Variants in PARD3B observed in about 807,000 individuals in gnomAD.
PARD3B encodes the protein par-3 family cell polarity regulator beta, also known as partitioning defective 3 homolog B.
In PARD3B, 103 loss-of-function variants were observed where a neutral mutation model predicts 130.2. The observed-to-expected ratio is 0.79, with a 90% CI of 0.67 to 0.93. The LOEUF (loss-of-function observed/expected upper bound fraction) is 0.93. Ranked by LOEUF, PARD3B falls within the 40% of genes least tolerant of loss-of-function variation. The pLI is 0.00. For synonymous variants in PARD3B, 583 were observed against 553.2 expected (o/e 1.05, Z -0.76); for missense variants, 1,609 against 1,499.2 (o/e 1.07, Z -1.21).
Position 205,274,417 on chromosome 2 carries a change from T to C in PARD3B, c.2186-26113T>C, listed in dbSNP as rs2040858542. 6.6e-6 allele frequency among the ~76,000 whole-genome samples: 1 copy of C among 152,062 alleles called. No individual in the cohort carries two copies. The highest frequency in any genetic ancestry group is 1.5e-5 in the Non-Finnish European group (1 of 67,976). ...TTTTAGTAACTTATATTGCAGTGAC[T>C]TTAATATTACTGAGGAAGAAACCTG... On this transcript the variant is annotated intron_variant, in intron 16 of 22. Coordinates refer to ENST00000406610, the MANE Select transcript of PARD3B (RefSeq NM_001302769.2). The surrounding 1 kb of genome is among the most constrained non-coding windows in gnomAD (Gnocchi z 4.2).
rs2105998413 is a variant in PARD3B at position 205,397,240 on chromosome 2, CA to C, written c.2631-3772del. 6.6e-6 allele frequency among the ~76,000 whole-genome samples: 1 copy of C among 152,234 alleles called. No homozygotes were observed. Among genetic ancestry groups the C allele is most frequent in the South Asian group, 2.1e-4 (1 of 4,822 alleles). On this transcript the variant is annotated intron_variant, in intron 18 of 22. Coordinates refer to ENST00000406610, the MANE Select transcript of PARD3B (RefSeq NM_001302769.2). This position sits in a 1 kb window ranked among gnomAD's most constrained non-coding sequence, Gnocchi z 4.8. The stretch of plus-strand genomic sequence containing the variant: ...TTTACAAAATAAGGTAATTTGTAAT[CA>C]TTTTCTCTGGCTAATAAAATAAATT...
chr2:205,151,520 CCTT>C (rs1553625587), intron 10 of PARD3B, among the ~76,000 whole-genome samples: 1 of 152,138 alleles, frequency 6.6e-6, no homozygotes, highest in Non-Finnish European at 1.5e-5. Context: ...TATGTAATGA[CCTT>C]CTTTGTCTCT....
chr2:204,756,664 C>T (rs1293896928), intron 2 of PARD3B, among the ~76,000 whole-genome samples: 3 of 152,072 alleles, frequency 2.0e-5, no homozygotes, highest in African/African-American at 7.2e-5. Context: ...GAGAGAGGCA[C>T]GCCAGACTTG....
At chr2:205,602,421 C>G (rs541182394) in intron 22 of PARD3B, among the ~76,000 whole-genome samples, 29 of 152,266 alleles carry the variant, frequency 1.9e-4, no homozygotes, top group East Asian at 3.9e-4. Context: ...CCCTTCTTTT[C>G]AATTGTTTGA....
At chr2:204,980,615 T>C (rs1413127670) in intron 3 of PARD3B, among the ~76,000 whole-genome samples, 1 of 152,194 alleles carries the variant, frequency 6.6e-6, no homozygotes, top group East Asian at 1.9e-4. Flanking sequence ...CTGAAAATGA[T>C]GTGATGAGCA....
intron 16 of PARD3B, among the ~76,000 whole-genome samples, chr2:205,279,085 A>AC (rs1559616070): frequency 5.3e-5 from 8 of 150,600 alleles, no homozygotes; most frequent in Non-Finnish European, 7.4e-5. Context: ...AAAAAAAAAA[A>AC]AAAAAAAAAA....
rs1010380801 is a variant in PARD3B at position 205,427,384 on chromosome 2, G to A, written c.2742-12986G>A. Reference sequence around the variant, plus strand: ...CCAAATGTTCGCAAATGCATGACTCGTTAAATAAACAAAAGCATGTCCACA... The same window carrying A: ...CCAAATGTTCGCAAATGCATGACTCATTAAATAAACAAAAGCATGTCCACA... On this transcript the variant is annotated intron_variant, in intron 19 of 22. Coordinates refer to ENST00000406610, the MANE Select transcript of PARD3B (RefSeq NM_001302769.2). Among the ~76,000 whole-genome samples the A allele has an allele frequency of 4.6e-5, 7 of 152,252 alleles. No homozygotes were observed. In the South Asian group the frequency reaches 1.2e-3, roughly 27 times the overall value.
rs144292240 is a variant in PARD3B, at chr2:204,563,630, A to G, written c.120+17511A>G. On this transcript the variant is annotated intron_variant, in intron 1 of 22. Coordinates refer to ENST00000406610, the MANE Select transcript of PARD3B (RefSeq NM_001302769.2). ...TCTGTATTATTGAGAATTGAAGGTT[A>G]TTGGTGTGATTGACTTATCTACTAC... Among the ~76,000 whole-genome samples, 6 of 152,246 alleles carry G rather than the reference A, an allele frequency of 3.9e-5. No homozygotes were observed. The East Asian group carries it at 1.2e-3, about 29-fold the overall frequency.
chr2:205,310,715 C>CTTTTTTTTTTTTTTT (rs1311997873), intron 18 of PARD3B, among the ~76,000 whole-genome samples: 1 of 102,080 alleles, frequency 9.8e-6, no homozygotes, highest in African/African-American at 3.3e-5. Context: ...TTCTTTCTTT[C>CTTTTTTTTTTTTTTT]TTTCTTTTTT....
intron 19 of PARD3B, among the ~76,000 whole-genome samples, chr2:205,419,511 GA>G (rs1267426269): frequency 6.6e-6 from 1 of 152,082 alleles, no homozygotes; most frequent in Admixed American, 6.6e-5. Context: ...TTGAAAAACT[GA>G]AGAGGCCAAC....
chr2:205,466,698 CT>C (rs1210636800), intron 20 of PARD3B, among the ~76,000 whole-genome samples: 5 of 152,080 alleles, frequency 3.3e-5, no homozygotes. Context: ...ATATGTGTGG[CT>C]TGGTTTTTGT....
At chr2:205,602,807 C>T (rs944900220) in intron 22 of PARD3B, among the ~76,000 whole-genome samples, 2 of 152,000 alleles carry the variant, frequency 1.3e-5, no homozygotes, top group Admixed American at 6.6e-5. Context: ...TTTCAATAAA[C>T]CAGCTCTTGG....
intron 1 of PARD3B, among the ~76,000 whole-genome samples, chr2:204,660,342 C>A (rs966928173): frequency 2.0e-5 from 3 of 152,142 alleles, no homozygotes; most frequent in Non-Finnish European, 2.9e-5. Flanking sequence ...CCAGATACTT[C>A]CAAGTATCCT....
chr2:205,331,403 A>C (rs1418212989), intron 18 of PARD3B, among the ~76,000 whole-genome samples: 1 of 152,134 alleles, frequency 6.6e-6, no homozygotes, highest in South Asian at 2.1e-4. Context: ...CTAAGCCAGA[A>C]GTTCTCCTCA....
At chr2:204,601,071 A>G (rs1237930750) in intron 1 of PARD3B, among the ~76,000 whole-genome samples, 1 of 151,920 alleles carries the variant, frequency 6.6e-6, no homozygotes, top group Non-Finnish European at 1.5e-5. Flanking sequence ...TAAGACCTGT[A>G]TTTTAAAATA....
intron 22 of PARD3B, among the ~76,000 whole-genome samples, chr2:205,600,416 C>A (rs1335257496): frequency 6.6e-6 from 1 of 152,172 alleles, no homozygotes; most frequent in Non-Finnish European, 1.5e-5. Context: ...ATCCACATCA[C>A]CCCCATGTTC....
At chr2:205,083,591 G>A (rs1455756629) in intron 4 of PARD3B, among the ~76,000 whole-genome samples, 1 of 149,160 alleles carries the variant, frequency 6.7e-6, no homozygotes, top group Non-Finnish European at 1.5e-5. Context: ...TGACTTTTCT[G>A]TTTGATTCTT....
At chr2:204,672,816 G>A (rs945838661) in intron 1 of PARD3B, among the ~76,000 whole-genome samples, 1 of 152,146 alleles carries the variant, frequency 6.6e-6, no homozygotes, top group African/African-American at 2.4e-5. Flanking sequence ...TTAGCTTCTA[G>A]TTTTGAAGAA....
intron 5 of PARD3B, among the ~76,000 whole-genome samples, chr2:205,108,626 T>C (rs1426780265): frequency 6.6e-6 from 1 of 152,074 alleles, no homozygotes; most frequent in Non-Finnish European, 1.5e-5. Flanking sequence ...CCCTCACCTA[T>C]CTTTTCTGAT....
Sources: allele counts gnomAD v4.1 joint callset (sites outside exome capture counted in the v4.1 genomes callset), GRCh38; gene constraint gnomAD v4.1.1; non-coding constraint Gnocchi (gnomAD v3.1); transcripts MANE v1.5; gene names NCBI Gene and HGNC (gene_info 2026-07-23, HGNC 2026-07-21).